Variants in PTPRG observed in about 807,000 individuals in gnomAD.
PTPRG encodes the protein protein tyrosine phosphatase receptor type G, also known as receptor-type tyrosine-protein phosphatase gamma.
PTPRG carries 102 observed loss-of-function variants against 165.3 expected under a neutral mutation model. The ratio of observed to expected loss-of-function variants is 0.62; its 90% confidence interval spans 0.53 to 0.73. The LOEUF is 0.73. Among genes scored for constraint, PTPRG ranks in the 30% least tolerant of loss-of-function variants. PTPRG has a pLI of 0.00. For missense variants in PTPRG, 1,866 were observed against 1,861.4 expected (o/e 1.00, Z -0.05); for synonymous variants, 675 against 669.5 (o/e 1.01, Z -0.13).
At chr3:62,155,933 G>T (rs1298203260) in intron 6 of PTPRG, among the ~76,000 whole-genome samples, 2 of 152,166 alleles carry the variant, frequency 1.3e-5, no homozygotes, top group Non-Finnish European at 2.9e-5. Flanking sequence ...GGGACCCCAT[G>T]AGCAGGACTC....
chr3:62,060,177 A>G (rs1321075919), intron 4 of PTPRG, among the ~76,000 whole-genome samples: 2 of 145,910 alleles, frequency 1.4e-5, no homozygotes, highest in African/African-American at 5.1e-5. Context: ...ACACCACCGC[A>G]CTCTAGCCTG....
chr3:62,246,359 G>A (rs1701289729), intron 15 of PTPRG, among the ~76,000 whole-genome samples: 1 of 152,136 alleles, frequency 6.6e-6, no homozygotes, highest in Non-Finnish European at 1.5e-5. Flanking sequence ...CTAAACAAAT[G>A]AACTTACTTC....
intron 5 of PTPRG, among the ~76,000 whole-genome samples, chr3:62,122,548 C>G (rs1433089866): frequency 6.6e-6 from 1 of 152,304 alleles, no homozygotes; most frequent in Admixed American, 6.5e-5. Flanking sequence ...AACAGCAGCA[C>G]CCACGCCACT....
intron 5 of PTPRG, among the ~76,000 whole-genome samples, chr3:62,095,510 G>A (rs1252142623): frequency 1.3e-5 from 2 of 152,206 alleles, no homozygotes; most frequent in African/African-American, 2.4e-5. Flanking sequence ...GCCTCCTTCA[G>A]TATTCATTCA....
At chr3:61,956,813 T>A (rs1222706383) in intron 2 of PTPRG, among the ~76,000 whole-genome samples, 1 of 151,936 alleles carries the variant, frequency 6.6e-6, no homozygotes, top group African/African-American at 2.4e-5. Context: ...CAGGGAGGGG[T>A]CTTAGTTATT....
In PTPRG at chr3:61,718,213, C is replaced by CAAAA. The variant is rs376955925; in HGVS notation, c.86-30652_86-30649dup. ...CAAAACAAAACAAAAAAACAAAAAC[C>CAAAA]AAAAAAAAAAAAAAAACGCAGACTC... On this transcript the variant is annotated intron_variant, in intron 1 of 29. Coordinates refer to ENST00000474889, the MANE Select transcript of PTPRG (RefSeq NM_002841.4). Among the ~76,000 whole-genome samples, 832 of 102,376 alleles carry CAAAA rather than the reference C, an allele frequency of 8.1e-3. 14 individuals are homozygous for CAAAA. Among genetic ancestry groups the CAAAA allele is most frequent in the Non-Finnish European group, 0.013 (609 of 48,082 alleles). 67.2% of individuals were successfully genotyped at this position (102,376 alleles called of 152,430 possible).
intron 2 of PTPRG, among the ~76,000 whole-genome samples, chr3:61,917,129 C>T (rs1190846582): frequency 2.0e-5 from 3 of 152,124 alleles, no homozygotes; most frequent in Non-Finnish European, 4.4e-5. Context: ...TTTGCGTCCC[C>T]TGCAGCTGCT....
At chr3:62,035,767 T>C (rs1699918682) in intron 4 of PTPRG, among the ~76,000 whole-genome samples, 1 of 152,222 alleles carries the variant, frequency 6.6e-6, no homozygotes, top group African/African-American at 2.4e-5. Context: ...CTGTAGCTTC[T>C]AGGTGGAAAG....
chr3:61,959,760 A>C (rs554715264), intron 2 of PTPRG, among the ~76,000 whole-genome samples: 1 of 152,172 alleles, frequency 6.6e-6, no homozygotes, highest in African/African-American at 2.4e-5. Context: ...TGTCCTCTGA[A>C]ATTTACCCTC....
At chr3:61,643,446 A>G (rs575675479) in intron 1 of PTPRG, among the ~76,000 whole-genome samples, 4 of 152,156 alleles carry the variant, frequency 2.6e-5, no homozygotes, top group African/African-American at 2.4e-5. Context: ...GAGTTGTTAA[A>G]TTTTTCTAGG....
chr3:62,226,483 A>AT (rs1177847962), intron 13 of PTPRG, among the ~76,000 whole-genome samples: 1 of 152,232 alleles, frequency 6.6e-6, no homozygotes, highest in African/African-American at 2.4e-5. Flanking sequence ...ATTTGAGAAG[A>AT]TTTTTATGTT....
chr3:61,833,808 G>A (rs1474578412), intron 2 of PTPRG, among the ~76,000 whole-genome samples: 1 of 152,124 alleles, frequency 6.6e-6, no homozygotes, highest in African/African-American at 2.4e-5. Flanking sequence ...AAGGCAGTGT[G>A]CCCGCCTCGG....
At chr3:61,880,590 C>T (rs1189449316) in intron 2 of PTPRG, among the ~76,000 whole-genome samples, 1 of 146,432 alleles carries the variant, frequency 6.8e-6, no homozygotes, top group Non-Finnish European at 1.5e-5. Flanking sequence ...CGCCACTGCA[C>T]CTCAGCTTGG....
At chr3:61,886,833 T>C (rs1044289047) in intron 2 of PTPRG, among the ~76,000 whole-genome samples, 1 of 152,068 alleles carries the variant, frequency 6.6e-6, no homozygotes, top group Non-Finnish European at 1.5e-5. Context: ...TGTAAACAGT[T>C]GATTACATGT....
intron 4 of PTPRG, among the ~76,000 whole-genome samples, chr3:62,029,235 C>T (rs183141784): frequency 6.6e-5 from 10 of 152,256 alleles, no homozygotes; most frequent in East Asian, 5.8e-4. Context: ...CTTCTGGACA[C>T]AGTTCAGTAT....
At chr3:62,150,486 A>T (rs1361340418) in intron 6 of PTPRG, among the ~76,000 whole-genome samples, 2 of 152,220 alleles carry the variant, frequency 1.3e-5, no homozygotes, top group African/African-American at 4.8e-5. Flanking sequence ...CAAGCTTCCC[A>T]GATGATTTGC....
chr3:62,089,758 T>G (rs192513612), intron 5 of PTPRG, among the ~76,000 whole-genome samples: 1 of 152,348 alleles, frequency 6.6e-6, no homozygotes, highest in East Asian at 1.9e-4. Context: ...TATTAAGTTG[T>G]ATGATTTTTT....
intron 2 of PTPRG, among the ~76,000 whole-genome samples, chr3:61,887,090 G>A (rs1375555607): frequency 1.1e-4 from 12 of 112,280 alleles, no homozygotes; most frequent in Admixed American, 5.1e-4. Flanking sequence ...GCATTATCTC[G>A]GAAAACTATT....
chr3:61,572,598 GGT>G (rs1426151715), intron 1 of PTPRG, among the ~76,000 whole-genome samples: 3 of 152,040 alleles, frequency 2.0e-5, no homozygotes, highest in Non-Finnish European at 4.4e-5. Flanking sequence ...CAAGTTTCTG[GGT>G]GCCTAGAGCA....
Sources: allele counts gnomAD v4.1 joint callset (sites outside exome capture counted in the v4.1 genomes callset), GRCh38; gene constraint gnomAD v4.1.1; transcripts MANE v1.5; gene names NCBI Gene and HGNC (gene_info 2026-07-23, HGNC 2026-07-21).